The following MARCHF8 variants were observed in gnomAD, a reference collection of about 807,000 sequenced individuals.
MARCHF8 encodes the protein membrane associated ring-CH-type finger 8.
In MARCHF8, 40 loss-of-function variants were observed where a neutral mutation model predicts 51.6. The observed-to-expected ratio is 0.77, with a 90% CI of 0.60 to 1.01. The LOEUF is 1.01. MARCHF8 is among the 50% of genes least tolerant of loss of function. The pLI, the probability that MARCHF8 is intolerant of heterozygous loss-of-function variation, is 0.00. For missense variants in MARCHF8, 685 were observed against 708.6 expected, an observed-to-expected ratio of 0.97 and a Z score of 0.38; for synonymous variants, 263 against 280.3, an observed-to-expected ratio of 0.94 and a Z score of 0.62.
At chr10:45,529,474 G>T (rs889907060) in intron 2 of MARCHF8, among the ~76,000 whole-genome samples, 1 of 151,898 alleles carries the variant, frequency 6.6e-6, no homozygotes, top group African/African-American at 2.4e-5. Context: ...AGACAAATGG[G>T]ACTTAATTAA....
intron 1 of MARCHF8, among the ~76,000 whole-genome samples, chr10:45,563,784 T>C (rs1341675700): frequency 6.6e-6 from 1 of 152,160 alleles, no homozygotes; most frequent in East Asian, 1.9e-4. Flanking sequence ...CAGTTACATA[T>C]TATTTACATA....
intron 3 of MARCHF8, among the ~76,000 whole-genome samples, chr10:45,488,571 A>G (rs1260814791): frequency 1.3e-5 from 2 of 152,196 alleles, no homozygotes. Context: ...GCAGGATATG[A>G]GCAAACTCAC....
intron 1 of MARCHF8, among the ~76,000 whole-genome samples, chr10:45,588,414 T>G (rs1296874565): frequency 1.3e-5 from 2 of 152,158 alleles, no homozygotes; most frequent in Non-Finnish European, 2.9e-5. Flanking sequence ...GCTGAAGTCA[T>G]AAATAAATAA....
intron 2 of MARCHF8, among the ~76,000 whole-genome samples, chr10:45,511,404 C>A (rs2043499664): frequency 6.6e-6 from 1 of 151,992 alleles, no homozygotes; most frequent in Non-Finnish European, 1.5e-5. Flanking sequence ...TCCCTCTCCC[C>A]ACGGCCCACG....
At chr10:45,467,236 GAGAA>G (rs1842999829) in intron 3 of MARCHF8, among the ~76,000 whole-genome samples, 1 of 152,170 alleles carries the variant, frequency 6.6e-6, no homozygotes, top group Non-Finnish European at 1.5e-5. Flanking sequence ...CCCAATGACA[GAGAA>G]AGAGTCTCTC....
chr10:45,471,195 C>G (rs2042682772), intron 3 of MARCHF8, among the ~76,000 whole-genome samples: 1 of 152,172 alleles, frequency 6.6e-6, no homozygotes. Flanking sequence ...GTAGCACTAA[C>G]ATGGAATTCT....
chr10:45,518,572 C>T (rs189170286), intron 2 of MARCHF8, among the ~76,000 whole-genome samples: 22 of 152,320 alleles, frequency 1.4e-4, no homozygotes, highest in African/African-American at 5.3e-4. Flanking sequence ...CCTGCCTCCT[C>T]AAACACTGCC....
At chr10:45,461,179 T>C in intron 6 of MARCHF8, 52 bp downstream of exon 6, 1 of 1,358,370 alleles carries the variant, frequency 7.4e-7, no homozygotes, top group South Asian at 1.6e-5. Context: ...ACACCAGCTT[T>C]CTGGGGGTCA....
At chr10:45,541,749 G>A (rs989880785) in intron 1 of MARCHF8, among the ~76,000 whole-genome samples, 11 of 152,126 alleles carry the variant, frequency 7.2e-5, no homozygotes, top group African/African-American at 2.4e-4. Context: ...TTGGGAGGAT[G>A]GGAAGAGGGA....
At chr10:45,584,519 A>G (rs2044596746) in intron 1 of MARCHF8, among the ~76,000 whole-genome samples, 1 of 152,194 alleles carries the variant, frequency 6.6e-6, no homozygotes, top group Non-Finnish European at 1.5e-5. Context: ...ACATGGAACA[A>G]GAACTCCAAT....
intron 1 of MARCHF8, among the ~76,000 whole-genome samples, chr10:45,551,068 C>A (rs578251739): frequency 6.6e-6 from 1 of 152,146 alleles, no homozygotes; most frequent in African/African-American, 2.4e-5. Context: ...ATTTTATAGA[C>A]GAGGAAACAC....
At chr10:45,474,822 C>T (rs1011286878) in intron 3 of MARCHF8, among the ~76,000 whole-genome samples, 5 of 152,252 alleles carry the variant, frequency 3.3e-5, no homozygotes, top group East Asian at 1.9e-4. Context: ...AAAGGGGAAG[C>T]GAGCGATCCC....
chr10:45,578,235 G>A (rs148743603), intron 1 of MARCHF8, among the ~76,000 whole-genome samples: 134 of 152,154 alleles, frequency 8.8e-4, no homozygotes, highest in Non-Finnish European at 1.5e-3. Context: ...TGATTTGAGG[G>A]GTGGGCCATA....
intron 2 of MARCHF8, among the ~76,000 whole-genome samples, chr10:45,524,950 T>C (rs2133248917): frequency 6.6e-6 from 1 of 152,364 alleles, no homozygotes; most frequent in South Asian, 2.1e-4. Context: ...CCCACATGGC[T>C]CTGGAGATAC....
intron 1 of MARCHF8, among the ~76,000 whole-genome samples, chr10:45,582,795 T>C (rs2044569598): frequency 1.3e-5 from 2 of 152,184 alleles, no homozygotes; most frequent in Admixed American, 1.3e-4. Context: ...TAAAAAGTGA[T>C]GCAGGTGAAA....
chr10:45,466,166 G>A (rs1842962809), intron 3 of MARCHF8, among the ~76,000 whole-genome samples: 1 of 152,222 alleles, frequency 6.6e-6, no homozygotes, highest in Non-Finnish European at 1.5e-5. Flanking sequence ...TTAGTACAAT[G>A]GGCTTTACTG....
chr10:45,519,405 G>A (rs761336906), intron 2 of MARCHF8, among the ~76,000 whole-genome samples: 5 of 151,460 alleles, frequency 3.3e-5, no homozygotes, highest in Non-Finnish European at 7.4e-5. Flanking sequence ...CATAAGGGAA[G>A]GTTTGGGAAG....
chr10:45,547,612 C>T (rs892898960), intron 1 of MARCHF8, among the ~76,000 whole-genome samples: 6 of 152,028 alleles, frequency 3.9e-5, no homozygotes, highest in East Asian at 3.9e-4. Flanking sequence ...AAATATGTAG[C>T]GGTTTTTTTG....
At chr10:45,570,154 C>A (rs1340353856) in intron 1 of MARCHF8, among the ~76,000 whole-genome samples, 1 of 152,044 alleles carries the variant, frequency 6.6e-6, no homozygotes, top group Non-Finnish European at 1.5e-5. Context: ...AAACAATTCC[C>A]AATTCATTTT....
Sources: allele counts gnomAD v4.1 joint callset (sites outside exome capture counted in the v4.1 genomes callset), GRCh38; gene constraint gnomAD v4.1.1; transcripts MANE v1.5; gene names NCBI Gene and HGNC (gene_info 2026-07-23, HGNC 2026-07-21).